Variants in TAF4B observed in about 807,000 individuals in gnomAD.
The protein encoded by TAF4B is TATA-box binding protein associated factor 4b, also known as transcription initiation factor TFIID subunit 4B.
Under a neutral mutation model 86.4 loss-of-function variants are expected in TAF4B, and 38 were observed. The observed-to-expected ratio is 0.44, with a 90% CI of 0.34 to 0.58. The LOEUF is 0.58. Among genes scored for constraint, TAF4B ranks in the 20% least tolerant of loss-of-function variants. The pLI is 0.02. For missense variants in TAF4B, 988 were observed against 1,027.6 expected (o/e 0.96, Z 0.53); for synonymous variants, 388 against 391.2 (o/e 0.99, Z 0.10).
chr18:26,346,871 ATATG>A (rs2057198359), intron 13 of TAF4B, among the ~76,000 whole-genome samples: 3 of 5,206 alleles, frequency 5.8e-4, no homozygotes, highest in African/African-American at 1.1e-3. Flanking sequence ...GTATATATAT[ATATG>A]TGTATATATA....
chr18:26,315,189 A>G, intron 9 of TAF4B, 40 bp from the exon 10 acceptor site: 1 of 1,408,542 alleles, frequency 7.1e-7, no homozygotes, highest in Non-Finnish European at 9.5e-7. Flanking sequence ...ACACACACAC[A>G]CACAACCTAA....
chr18:26,250,086 A>G (rs541550734), intron 1 of TAF4B, among the ~76,000 whole-genome samples: 1 of 152,146 alleles, frequency 6.6e-6, no homozygotes, highest in East Asian at 1.9e-4. Context: ...CCCAGGCTGA[A>G]GTGGAGTGGC....
At chr18:26,263,650 T>G (rs1443548424) in intron 1 of TAF4B, among the ~76,000 whole-genome samples, 3 of 152,228 alleles carry the variant, frequency 2.0e-5, no homozygotes, top group African/African-American at 7.2e-5. Flanking sequence ...TATTGAACTT[T>G]AAGAAATTCT....
rs35571469 is a variant in TAF4B, at chr18:26,293,074, T to A, written c.1727-352T>A. ...GGAAATCAGTCTTACCCAAGTCAGGTAGACTGGGAAATCAGTCTTACCAAT... is the reference window on the plus strand; with the variant it reads ...GGAAATCAGTCTTACCCAAGTCAGGAAGACTGGGAAATCAGTCTTACCAAT... On this transcript the variant is annotated intron_variant, in intron 8 of 14. Transcript: ENST00000269142. 4.0e-3 allele frequency among the ~76,000 whole-genome samples: 615 copies of A among 152,318 alleles called. 9 individuals are homozygous for A. The highest frequency in any genetic ancestry group is 3.0e-3 in the Non-Finnish European group (207 of 68,020).
intron 13 of TAF4B, among the ~76,000 whole-genome samples, chr18:26,357,232 A>G (rs766848092): frequency 1.3e-5 from 2 of 152,186 alleles, no homozygotes; most frequent in African/African-American, 2.4e-5. Flanking sequence ...TCACCTTTCA[A>G]TATGGTTGTG....
intron 1 of TAF4B, among the ~76,000 whole-genome samples, chr18:26,240,243 G>A (rs1035145228): frequency 1.3e-5 from 2 of 150,372 alleles, no homozygotes; most frequent in Non-Finnish European, 3.0e-5. Flanking sequence ...TTCCATTTGT[G>A]TCCTCTTTTA....
rs1274740590 is a variant in TAF4B at position 26,303,018 on chromosome 18, T to A, written c.1832+9487T>A. On this transcript the variant is annotated intron_variant, in intron 9 of 14. Transcript: ENST00000269142. ...TGGTAATGCATATTTTCTACCTACT[T>A]CTCCTTCTTCTTTATTTCCTTTTCT... is the stretch of plus-strand genomic sequence containing the variant. 4.3e-5 allele frequency among the ~76,000 whole-genome samples: 6 copies of A among 139,164 alleles called. No individual in the cohort carries two copies. The Admixed American group carries it at 4.4e-4, about 10-fold the overall frequency. The allele number at this position is 139,164 out of a possible 152,430, so 91.3% of individuals were successfully genotyped here.
At chr18:26,252,026 C>T (rs977567489) in intron 1 of TAF4B, among the ~76,000 whole-genome samples, 1 of 152,194 alleles carries the variant, frequency 6.6e-6, no homozygotes, top group South Asian at 2.1e-4. Context: ...AAAATCCTCT[C>T]ACATATATTG....
intron 14 of TAF4B, among the ~76,000 whole-genome samples, chr18:26,358,571 G>A (rs1366644731): frequency 6.6e-6 from 1 of 152,268 alleles, no homozygotes; most frequent in African/African-American, 2.4e-5. Context: ...TTAGCCGAAC[G>A]TGGTGGCGGG....
At chr18:26,315,161 T>TCTCTGTCTCTCTCTCTCACACACACACA in intron 9 of TAF4B, 68 bp from the exon 10 acceptor site, 1 of 210,610 alleles carries the variant, frequency 4.7e-6, no homozygotes, top group Admixed American at 1.0e-4. Flanking sequence ...TCTCTCTCTC[T>TCTCTGTCTCTCTCTCTCACACACACACA]CACACACACA....
At chr18:26,317,529 C>T (rs2056924336) in intron 10 of TAF4B, among the ~76,000 whole-genome samples, 1 of 152,148 alleles carries the variant, frequency 6.6e-6, no homozygotes, top group African/African-American at 2.4e-5. Flanking sequence ...TACAAAGCAG[C>T]CATAGACAAT....
intron 9 of TAF4B, among the ~76,000 whole-genome samples, chr18:26,302,899 T>C (rs2056752143): frequency 6.6e-6 from 1 of 152,182 alleles, no homozygotes; most frequent in African/African-American, 2.4e-5. Flanking sequence ...CAATAGTTAA[T>C]CTTTTTTATC....
intron 3 of TAF4B, among the ~76,000 whole-genome samples, chr18:26,268,225 T>C (rs1166451529): frequency 6.6e-6 from 1 of 152,142 alleles, no homozygotes; most frequent in African/African-American, 2.4e-5. Context: ...ACAGTACATA[T>C]CACTCCTTGT....
chr18:26,259,048 T>C (rs1472924060), intron 1 of TAF4B, among the ~76,000 whole-genome samples: 48 of 152,244 alleles, frequency 3.2e-4, no homozygotes, highest in Non-Finnish European at 2.9e-5. Context: ...TGAACATTTT[T>C]ACTACCATGT....
chr18:26,335,120 A>G (rs970770230), intron 12 of TAF4B, 55 bp from the exon 13 acceptor site: 47 of 1,225,170 alleles, frequency 3.8e-5, no homozygotes, highest in Non-Finnish European at 5.1e-5. Flanking sequence ...TTTAATGGCA[A>G]CTATGGTGTT....
chr18:26,314,819 A>G (rs912680074), intron 9 of TAF4B, among the ~76,000 whole-genome samples: 4 of 152,078 alleles, frequency 2.6e-5, no homozygotes, highest in African/African-American at 7.2e-5. Flanking sequence ...TTTGTCTTTC[A>G]TTGCAGAGGA....
At chr18:26,384,578 G>A (rs1346441354) in intron 14 of TAF4B, among the ~76,000 whole-genome samples, 7 of 152,320 alleles carry the variant, frequency 4.6e-5, no homozygotes, top group East Asian at 1.9e-4. Context: ...CTTGAGTTCA[G>A]TAACCAGTGA....
intron 1 of TAF4B, among the ~76,000 whole-genome samples, chr18:26,237,882 T>C (rs1165316623): frequency 6.6e-6 from 1 of 152,090 alleles, no homozygotes; most frequent in African/African-American, 2.4e-5. Context: ...GGGCTTAGGA[T>C]ACATTTCAAG....
chr18:26,275,069 A>T lies in TAF4B; in HGVS notation c.882+16A>T, dbSNP rs1221900002. The T allele has an allele frequency of 1.3e-6, 2 of 1,590,096 alleles. No individual in the cohort carries two copies. Among genetic ancestry groups the T allele is most frequent in the East Asian group, 4.5e-5 (2 of 44,662 alleles). On this transcript the variant is annotated intron_variant, in intron 5 of 14. Transcript: ENST00000269142. ...ACAACTTTTGGTAAGTAGTGCTATA[A>T]AATCCTGCAAATTCTGGAGGAATCC...
Sources: allele counts gnomAD v4.1 joint callset (sites outside exome capture counted in the v4.1 genomes callset), GRCh38; gene constraint gnomAD v4.1.1; transcripts MANE v1.5; gene names NCBI Gene and HGNC (gene_info 2026-07-23, HGNC 2026-07-21).